SLC16A9: variants seen among roughly 807,000 people sequenced by gnomAD.
SLC16A9 encodes the protein monocarboxylate transporter 9.
Under a neutral mutation model 44.3 loss-of-function variants are expected in SLC16A9, and 26 were observed. The observed-to-expected ratio is 0.59, with a 90% confidence interval of 0.43 to 0.81. The LOEUF is 0.81. SLC16A9 is among the 40% of genes least tolerant of loss of function. The pLI is 0.00. For missense variants in SLC16A9, 559 were observed against 595.8 expected (o/e 0.94, Z 0.64); for synonymous variants, 230 against 225.1 (o/e 1.02, Z -0.19).
intron 2 of SLC16A9, among the ~76,000 whole-genome samples, chr10:59,683,089 T>A (rs1330719205): frequency 6.6e-6 from 1 of 152,178 alleles, no homozygotes; most frequent in Non-Finnish European, 1.5e-5. Flanking sequence ...CATGAAACCA[T>A]TTTAGAGCTG....
chr10:59,676,080 T>G (rs1402582057), intron 2 of SLC16A9, among the ~76,000 whole-genome samples: 1 of 152,252 alleles, frequency 6.6e-6, no homozygotes, highest in Non-Finnish European at 1.5e-5. Flanking sequence ...GATTCACCAC[T>G]GGTAATGGTA....
At chr10:59,697,708 G>C (rs2126776) in intron 1 of SLC16A9, among the ~76,000 whole-genome samples, 1 of 144,374 alleles carries the variant, frequency 6.9e-6, no homozygotes, top group Non-Finnish European at 1.5e-5. Context: ...CCCTCTGCGA[G>C]AAACACCCAA....
chr10:59,654,115 T>G lies in SLC16A9; in HGVS notation c.911A>C (p.Lys304Thr). ...AGCAATGAAAAGGGCTGAAAATACTTTGTTTTTAAAAAGAGCCACAGTTTC... is the reference window on the plus strand; with the variant it reads ...AGCAATGAAAAGGGCTGAAAATACTGTGTTTTTAAAAAGAGCCACAGTTTC... ...CGETVALFKN[K>T]VFSALFIAIL... The change falls in exon 5 of 6, where the codon AAA becomes ACA. Residue 304 changes from lysine (K) to threonine (T), a missense_variant. By Grantham distance (78) the Lys-to-Thr change is moderately conservative. Transcript: ENST00000395348. 2 of 1,614,106 alleles carry G rather than the reference T, an allele frequency of 1.2e-6. No individual in the cohort carries two copies. The highest frequency in any genetic ancestry group is 2.2e-5 in the South Asian group (2 of 91,078).
At chr10:59,705,626 A>G (rs534379226) in intron 1 of SLC16A9, among the ~76,000 whole-genome samples, 1 of 152,302 alleles carries the variant, frequency 6.6e-6, no homozygotes, top group South Asian at 2.1e-4. Flanking sequence ...TAATCAAGCT[A>G]AGAGCTATTA....
chr10:59,669,411 C>A (rs544712319), intron 3 of SLC16A9, among the ~76,000 whole-genome samples: 2 of 152,274 alleles, frequency 1.3e-5, no homozygotes, highest in East Asian at 3.9e-4. Flanking sequence ...GCAGTATTAA[C>A]CAAAGTGATG....
At chr10:59,653,477 G>A (rs1839264316) in intron 5 of SLC16A9, among the ~76,000 whole-genome samples, 198 bp downstream of exon 5, 2 of 126,500 alleles carry the variant, frequency 1.6e-5, no homozygotes, top group South Asian at 2.8e-4. Context: ...CAAATAAAGA[G>A]CGAACACAAA....
At chr10:59,661,731 C>T (rs1183473065) in intron 4 of SLC16A9, among the ~76,000 whole-genome samples, 1 of 151,778 alleles carries the variant, frequency 6.6e-6, no homozygotes, top group Non-Finnish European at 1.5e-5. Context: ...AGGCTTCACA[C>T]TACCTGACTT....
rs373644629 is a variant in SLC16A9, at chr10:59,684,212, T to C, written c.80A>G (p.Tyr27Cys). The change falls in exon 2 of 6, where the codon TAC (tyrosine) becomes TGC (cysteine). Residue 27 changes from tyrosine to cysteine, a missense_variant. Transcript: ENST00000395348. ...FVSFLTQFLC[Y>C]GSPLAVGVLY... ...GACTCCAACAGCTAGTGGGGATCCG[T>C]AACACAAAAACTGAGTAAGGAAGGA... 6 of 1,613,932 alleles carry C rather than the reference T, an allele frequency of 3.7e-6. No homozygotes were observed. The highest frequency in any genetic ancestry group is 1.7e-5 in the Admixed American group (1 of 59,984).
intron 3 of SLC16A9, among the ~76,000 whole-genome samples, chr10:59,669,108 AATC>A (rs1189386921): frequency 1.3e-5 from 2 of 152,196 alleles, no homozygotes; most frequent in African/African-American, 4.8e-5. Flanking sequence ...AGAAAACCAT[AATC>A]AGCTAGCTAA....
intron 2 of SLC16A9, among the ~76,000 whole-genome samples, chr10:59,673,336 C>T (rs1839793810): frequency 6.6e-6 from 1 of 152,106 alleles, no homozygotes; most frequent in South Asian, 2.1e-4. Flanking sequence ...GACTGAGAGG[C>T]AAAAGTGACC....
intron 1 of SLC16A9, among the ~76,000 whole-genome samples, chr10:59,701,942 C>T (rs569113793): frequency 6.6e-6 from 1 of 152,322 alleles, no homozygotes; most frequent in South Asian, 2.1e-4. Context: ...CCGATTTAAG[C>T]ATCTCTGCCA....
chr10:59,660,329 G>A (rs920888615), intron 4 of SLC16A9, among the ~76,000 whole-genome samples: 5 of 152,100 alleles, frequency 3.3e-5, no homozygotes, highest in African/African-American at 1.2e-4. Context: ...GATCACCACT[G>A]ATCACACAGA....
At chr10:59,671,159 T>C (rs1349057739) in intron 3 of SLC16A9, among the ~76,000 whole-genome samples, 1 of 152,192 alleles carries the variant, frequency 6.6e-6, no homozygotes, top group Non-Finnish European at 1.5e-5. Context: ...TGAAGTCCAG[T>C]GCTCTCTCCA....
intron 1 of SLC16A9, among the ~76,000 whole-genome samples, chr10:59,697,291 G>C (rs1378540539): frequency 6.6e-6 from 1 of 151,272 alleles, no homozygotes; most frequent in Admixed American, 6.6e-5. Flanking sequence ...GGAATAGAAA[G>C]GGGGGAAAGG....
Position 59,652,581 on chromosome 10 carries a change from C to T in SLC16A9, c.*191G>A, listed in dbSNP as rs1713836491. The T allele has an allele frequency of 6.5e-6, 3 of 464,164 alleles. No individual in the cohort carries two copies. The highest frequency in any genetic ancestry group is 2.0e-5 in the African/African-American group (1 of 48,926). The allele number at this position is 464,164 out of a possible 1,614,324, so 28.8% of individuals were successfully genotyped here. On this transcript the variant is annotated 3_prime_UTR_variant, in exon 6 of 6. Coordinates refer to ENST00000395348, the MANE Select transcript of SLC16A9 (RefSeq NM_194298.3). The stretch of plus-strand genomic sequence containing the variant: ...TGGGGAGGAGAAATAGAAAAAAATA[C>T]GAGATAGAGGCTACGCATACACTAC...
chr10:59,698,952 C>T (rs1840461619), intron 1 of SLC16A9, among the ~76,000 whole-genome samples: 1 of 152,136 alleles, frequency 6.6e-6, no homozygotes, highest in African/African-American at 2.4e-5. Flanking sequence ...CCATGTTAGC[C>T]AGGCTTGTCT....
At chr10:59,664,396 T>A in intron 3 of SLC16A9, 74 bp from the exon 4 acceptor site, 1 of 973,624 alleles carries the variant, frequency 1.0e-6, no homozygotes, top group Non-Finnish European at 1.6e-6. Flanking sequence ...GAAAAACAAG[T>A]ATGTCCGATA....
chr10:59,675,272 A>G (rs1441732123), intron 2 of SLC16A9, among the ~76,000 whole-genome samples: 1 of 152,194 alleles, frequency 6.6e-6, no homozygotes, highest in Non-Finnish European at 1.5e-5. Flanking sequence ...TGACAGGTCT[A>G]AGGCCAAAGT....
At chr10:59,678,839 G>A (rs947924346) in intron 2 of SLC16A9, among the ~76,000 whole-genome samples, 5 of 151,880 alleles carry the variant, frequency 3.3e-5, no homozygotes, top group African/African-American at 4.8e-5. Flanking sequence ...CACCGCGCCC[G>A]GCCACCAATC....
Sources: gnomAD v4.1 joint callset for allele counts (sites outside exome capture counted in the v4.1 genomes callset) on GRCh38, gnomAD v4.1.1 for gene constraint, MANE v1.5 for transcripts, NCBI Gene and HGNC (gene_info 2026-07-23, HGNC 2026-07-21) for gene names.